DNTT: variants seen among roughly 807,000 people sequenced by gnomAD.
The protein encoded by DNTT is nucleosidetriphosphate:DNA deoxynucleotidylexotransferase.
Under a neutral mutation model 60.9 loss-of-function variants are expected in DNTT, and 47 were observed. The ratio of observed to expected loss-of-function variants is 0.77; its 90% CI spans 0.61 to 0.98. The LOEUF is 0.98. Ranked by LOEUF, DNTT falls within the 50% of genes least tolerant of loss-of-function variation. The pLI, the probability that DNTT is intolerant of heterozygous loss-of-function variation, is 0.00. For missense variants in DNTT, 665 were observed against 627.5 expected, an observed-to-expected ratio of 1.06 and a Z score of -0.64; for synonymous variants, 224 against 221.2, an observed-to-expected ratio of 1.01 and a Z score of -0.11.
chr10:96,330,695 A>C (rs1029781061), intron 8 of DNTT, among the ~76,000 whole-genome samples: 66 of 152,180 alleles, frequency 4.3e-4, no homozygotes, highest in African/African-American at 1.5e-3. Context: ...AAGAAAGACA[A>C]AGCATGATTC....
intron 10 of DNTT, among the ~76,000 whole-genome samples, chr10:96,336,400 G>T (rs1313684518): frequency 6.6e-6 from 1 of 152,192 alleles, no homozygotes; most frequent in Non-Finnish European, 1.5e-5. Context: ...GCAAGAAAGA[G>T]AGCAACAGAG....
In DNTT at chr10:96,304,599, T is replaced by C; in HGVS notation, c.102T>C (p.Asp34=). The part of the protein sequence containing the change: ...ASSPQDIKFQ[D]LVVFILEKKM... ...CTCCTCAAGACATCAAATTTCAAGA[T>C]TTGGTCGTCTTCATTTTGGAGAAGA... The change falls in exon 1 of 11, where the codon GAT becomes GAC. Residue 34 remains aspartate, a synonymous_variant. Coordinates refer to ENST00000371174, the MANE Select transcript of DNTT (RefSeq NM_004088.4). 3 of 1,614,066 alleles carry C rather than the reference T, an allele frequency of 1.9e-6. No homozygotes were observed. The highest frequency in any genetic ancestry group is 1.7e-6 in the Non-Finnish European group (2 of 1,179,998).
chr10:96,318,525 T>C lies in DNTT; in HGVS notation c.377T>C (p.Val126Ala). ...GAAATGACAGGAAAACACCAGCTTG[T>C]TGTAAGTGTCATGGGTGTGATTTTC... ...PVEMTGKHQLVVRRDYSDSTN... is the reference protein window; with the variant it reads ...PVEMTGKHQLAVRRDYSDSTN... Residue 126 changes from valine (V) to alanine (A), a missense_variant and splice_region_variant, in exon 2 of 11, where the codon GTT (valine) becomes GCT (alanine). Physicochemically the swap from Val to Ala is moderately conservative, Grantham distance 64. Coordinates refer to ENST00000371174, the MANE Select transcript of DNTT (RefSeq NM_004088.4). The C allele has an allele frequency of 6.2e-7, 1 of 1,613,074 alleles. No homozygotes were observed. Among genetic ancestry groups the C allele is most frequent in the Non-Finnish European group, 8.5e-7 (1 of 1,179,422 alleles).
chr10:96,311,497 C>T (rs1235692870), intron 1 of DNTT, among the ~76,000 whole-genome samples: 3 of 152,182 alleles, frequency 2.0e-5, no homozygotes, highest in African/African-American at 7.2e-5. Flanking sequence ...GAAATTATTG[C>T]CTGAGGGAAA....
chr10:96,331,367 T>G (rs1384486021), intron 8 of DNTT, among the ~76,000 whole-genome samples: 1 of 152,194 alleles, frequency 6.6e-6, no homozygotes, highest in African/African-American at 2.4e-5. Flanking sequence ...GAAAAGACGT[T>G]TACTTGGCCC....
chr10:96,308,716 ATTAG>A lies in DNTT; in HGVS notation c.203+4019_203+4022del, dbSNP rs567906895. Among the ~76,000 whole-genome samples the A allele has an allele frequency of 1.5e-4, 23 of 152,292 alleles. No homozygotes were observed. In the South Asian group the frequency reaches 4.8e-3, roughly 32 times the overall value. The stretch of plus-strand genomic sequence containing the variant: ...GTCAGCAAAGGGTGGTGGGATTATC[ATTAG>A]TTCTTACAGGTTTTGGGATAGGCGG... On this transcript the variant is annotated intron_variant, in intron 1 of 10. Coordinates refer to ENST00000371174, the MANE Select transcript of DNTT (RefSeq NM_004088.4).
At chr10:96,318,649 G>C in intron 2 of DNTT, 123 bp downstream of exon 2, 1 of 1,180,682 alleles carries the variant, frequency 8.5e-7, no homozygotes, top group African/African-American at 1.5e-5. Context: ...CCTTGGGCAA[G>C]TCACTTAGCT....
In DNTT at chr10:96,322,657, G is replaced by A; in HGVS notation, c.679G>A (p.Glu227Lys). The change falls in exon 5 of 11, where the codon GAG (glutamate) becomes AAG (lysine). Residue 227 changes from glutamate (E) to lysine (K), a missense_variant and splice_region_variant. Physicochemically the swap from Glu to Lys is moderately conservative, Grantham distance 56 (BLOSUM62 1). Coordinates refer to ENST00000371174, the MANE Select transcript of DNTT (RefSeq NM_004088.4). ...AAAATATTTTTCAACTGTCCATTAG[G>A]AGATTATTGAAGATGGAGAAAGTTC... ...LGSKVKGIIEEIIEDGESSEV... is the reference protein window; with the variant it reads ...LGSKVKGIIEKIIEDGESSEV... 6.2e-7 allele frequency: 1 copy of A among 1,600,050 alleles called. No individual in the cohort carries two copies. The highest frequency in any genetic ancestry group is 1.3e-5 in the African/African-American group (1 of 74,792).
intron 1 of DNTT, among the ~76,000 whole-genome samples, chr10:96,307,205 C>A (rs1411790757): frequency 6.6e-6 from 1 of 152,108 alleles, no homozygotes; most frequent in East Asian, 1.9e-4. Flanking sequence ...TCTCCCTCCA[C>A]AATATGAACA....
chr10:96,306,998 G>A (rs1031402748), intron 1 of DNTT, among the ~76,000 whole-genome samples: 3 of 152,240 alleles, frequency 2.0e-5, no homozygotes, highest in Non-Finnish European at 2.9e-5. Flanking sequence ...CAGCCATGGG[G>A]TATGGGACAA....
chr10:96,308,961 A>G (rs984244444), intron 1 of DNTT, among the ~76,000 whole-genome samples: 12 of 152,146 alleles, frequency 7.9e-5, no homozygotes, highest in Admixed American at 7.2e-4. Flanking sequence ...GGCCATCTGG[A>G]TGTATACGTG....
At chr10:96,320,889 G>A (rs1844861580) in intron 4 of DNTT, 101 bp downstream of exon 4, 1 of 1,406,306 alleles carries the variant, frequency 7.1e-7, no homozygotes, top group Non-Finnish European at 9.7e-7. Context: ...ATGTAGATGT[G>A]GTGTACATCA....
intron 3 of DNTT, 143 bp from the exon 4 acceptor site, chr10:96,320,475 G>T (rs2273892): frequency 0.073 from 61,597 of 847,004 alleles, 6,728 homozygotes; most frequent in East Asian, 0.49. Context: ...GGCATACAAG[G>T]GTATGGGAGA....
chr10:96,332,663 GC>G, intron 9 of DNTT, 67 bp downstream of exon 9: 1 of 1,575,220 alleles, frequency 6.3e-7, no homozygotes, highest in Non-Finnish European at 8.6e-7. Context: ...GTCTACCTGG[GC>G]CCAGGGGAGA....
rs144375473 is a variant in DNTT, at chr10:96,304,530, T to C, written c.33T>C (p.Pro11=). Residue 11 remains proline, a synonymous_variant, in exon 1 of 11, where the codon CCT becomes CCC. Coordinates refer to ENST00000371174, the MANE Select transcript of DNTT (RefSeq NM_004088.4). MDPPRASHLS[P]RKKRPRQTGA... Reference sequence around the variant, plus strand: ...CACCACGAGCGTCCCACTTGAGCCCTCGGAAGAAGAGACCCCGGCAGACGG... The same window carrying C: ...CACCACGAGCGTCCCACTTGAGCCCCCGGAAGAAGAGACCCCGGCAGACGG... The C allele has an allele frequency of 1.4e-4, 218 of 1,613,962 alleles. No homozygotes were observed. Among genetic ancestry groups the C allele is most frequent in the Admixed American group, 1.7e-4 (10 of 60,024 alleles).
chr10:96,309,043 T>C (rs2133982720), intron 1 of DNTT, among the ~76,000 whole-genome samples: 1 of 152,294 alleles, frequency 6.6e-6, no homozygotes, highest in East Asian at 1.9e-4. Flanking sequence ...ACTCTCTGTG[T>C]CTTGACCCAA....
rs182932981 is a variant in DNTT, at chr10:96,307,812, C to T, written c.203+3112C>T. 9.4e-4 allele frequency among the ~76,000 whole-genome samples: 131 copies of T among 138,998 alleles called. 2 individuals are homozygous for T. In the East Asian group the frequency reaches 0.024, roughly 26 times the overall value. The allele number at this position is 138,998 out of a possible 152,430, so 91.2% of individuals were successfully genotyped here. A position where few individuals can be genotyped will look rare whatever the true frequency, so the allele number is the denominator to read the frequency against. The stretch of plus-strand genomic sequence containing the variant: ...TTTGAGGCAGGGTCTTGTTCTGTCA[C>T]GCAGGCTGGAGTGCAGTGGTGCCAT... On this transcript the variant is annotated intron_variant, in intron 1 of 10. Transcript: ENST00000371174.
chr10:96,322,227 G>T (rs73320734), intron 4 of DNTT, among the ~76,000 whole-genome samples: 7,195 of 152,210 alleles, frequency 0.047, 542 homozygotes, highest in African/African-American at 0.16. Context: ...CAGAGGAAGG[G>T]GGCTCTGAGC....
intron 1 of DNTT, among the ~76,000 whole-genome samples, chr10:96,310,982 G>A (rs375348429): frequency 6.6e-6 from 1 of 151,976 alleles, no homozygotes; most frequent in Non-Finnish European, 1.5e-5. Flanking sequence ...CAAAATTTGC[G>A]GCTTTAAATT....
Sources: gnomAD v4.1 joint callset for allele counts (sites outside exome capture counted in the v4.1 genomes callset) on GRCh38, gnomAD v4.1.1 for gene constraint, MANE v1.5 for transcripts, NCBI Gene and HGNC (gene_info 2026-07-23, HGNC 2026-07-21) for gene names.